The following RUNX1T1 variants were observed in gnomAD, a reference collection of about 807,000 sequenced individuals.
The protein encoded by RUNX1T1 is RUNX1 partner transcriptional co-repressor 1, also known as protein CBFA2T1.
RUNX1T1 carries 4 observed loss-of-function variants against 62.8 expected under a neutral mutation model. The observed-to-expected ratio is 0.06, with a 90% CI of 0.03 to 0.15. The LOEUF (loss-of-function observed/expected upper bound fraction) is 0.15. RUNX1T1 is among the 10% of genes least tolerant of loss of function. The pLI is 1.00. For synonymous variants in RUNX1T1, 291 were observed against 286.0 expected (o/e 1.02, Z -0.18); for missense variants, 508 against 754.3 (o/e 0.67, Z 3.82).
intron 3 of RUNX1T1, among the ~76,000 whole-genome samples, chr8:92,014,032 G>T (rs1418243118): frequency 6.6e-6 from 1 of 151,996 alleles, no homozygotes; most frequent in Non-Finnish European, 1.5e-5. Flanking sequence ...TGAACTGTAT[G>T]TATATTTTAC....
chr8:91,959,202 T>C (rs1809845862), exon 11 of RUNX1T1: 2 of 217,250 alleles, frequency 9.2e-6, no homozygotes, highest in African/African-American at 4.5e-5. Context: ...CCAAACAGGG[T>C]GGGGTTGAAA....
In RUNX1T1 at chr8:91,987,944, T is replaced by TA. The variant is rs1453287055; in HGVS notation, c.911-973dup. ...TCAAAATGTTACTCTGAACAGCAAA[T>TA]AGAGTTTCTTATAGTTTGGTTTCTA... On this transcript the variant is annotated intron_variant, in intron 6 of 10. Transcript: ENST00000396218. Among the ~76,000 whole-genome samples, 4 of 152,246 alleles carry TA rather than the reference T, an allele frequency of 2.6e-5. No homozygotes were observed. The South Asian group carries it at 6.2e-4, about 24-fold the overall frequency.
At chr8:91,967,304 G>T (rs1811846688) in intron 10 of RUNX1T1, among the ~76,000 whole-genome samples, 1 of 152,108 alleles carries the variant, frequency 6.6e-6, no homozygotes, top group Admixed American at 6.6e-5. Context: ...TACCGGACTG[G>T]TCTGTCTAAG....
At chr8:92,062,502 C>T in intron 1 of RUNX1T1, 1 of 1,599,534 alleles carries the variant, frequency 6.3e-7, no homozygotes, top group Non-Finnish European at 8.6e-7. Context: ...AGTAAGCTTT[C>T]TTCATTGGAA....
chr8:92,019,497 T>G (rs779317238), intron 1 of RUNX1T1, among the ~76,000 whole-genome samples: 9 of 151,806 alleles, frequency 5.9e-5, no homozygotes, highest in Non-Finnish European at 1.0e-4. Flanking sequence ...AAGAACAAAA[T>G]AGAGAGACAA....
At chr8:92,048,696 G>A (rs1049442446) in intron 1 of RUNX1T1, among the ~76,000 whole-genome samples, 38 of 151,860 alleles carry the variant, frequency 2.5e-4, no homozygotes, top group African/African-American at 8.5e-4. Flanking sequence ...ATTGTATCTC[G>A]TATATCCTTT....
intron 5 of RUNX1T1, 83 bp from the exon 7 acceptor site, chr8:91,991,972 T>C (rs1817767925): frequency 2.8e-6 from 4 of 1,450,210 alleles, no homozygotes; most frequent in African/African-American, 1.4e-5. Context: ...GAGCTTGGAA[T>C]AAAAACAGAA....
intron 1 of RUNX1T1, among the ~76,000 whole-genome samples, chr8:92,045,662 T>C (rs1346518471): frequency 6.6e-6 from 1 of 152,206 alleles, no homozygotes; most frequent in Non-Finnish European, 1.5e-5. Flanking sequence ...CTACCTCTTG[T>C]AATTTCTCCC....
At chr8:91,991,712 G>A in exon 6 of RUNX1T1, 1 of 1,614,108 alleles carries the variant, frequency 6.2e-7, no homozygotes, top group Non-Finnish European at 8.5e-7. Context: ...GGTGGGCAAT[G>A]GCCATATCAT....
chr8:92,011,879 A>C (rs1257484197), intron 3 of RUNX1T1, among the ~76,000 whole-genome samples: 2 of 152,218 alleles, frequency 1.3e-5, no homozygotes, highest in African/African-American at 4.8e-5. Flanking sequence ...CATCTACTTA[A>C]TGAACAACAA....
intron 2 of RUNX1T1, among the ~76,000 whole-genome samples, chr8:92,074,371 TA>T (rs1269531998): frequency 4.6e-5 from 7 of 152,158 alleles, no homozygotes; most frequent in Admixed American, 2.0e-4. Context: ...TGCGAGTGGG[TA>T]AAGATAGTAA....
At position 91,976,088 on chromosome 8, in the gene RUNX1T1, C is replaced by T. The variant is rs1029259259; in HGVS notation, c.1199-115G>A. The T allele has an allele frequency of 4.0e-5, 28 of 705,258 alleles. 1 individual carries two copies. Among genetic ancestry groups the T allele is most frequent in the South Asian group, 1.4e-4 (8 of 56,650 alleles). The allele number at this position is 705,258 out of a possible 1,614,324, so 43.7% of individuals were successfully genotyped here. A position where few individuals can be genotyped will look rare whatever the true frequency, so the allele number is the denominator to read the frequency against. On this transcript the variant is annotated intron_variant, in intron 8 of 10. Coordinates refer to ENST00000396218, the Ensembl canonical transcript of RUNX1T1. ...CATTCTCCTGGCTTCTCTACAAAAA[C>T]GCAATTTTAAAAGGCTAAACATTTC... is the stretch of plus-strand genomic sequence containing the variant.
chr8:92,101,571 T>C (rs1397096432), upstream of RUNX1T1, among the ~76,000 whole-genome samples: 1 of 152,134 alleles, frequency 6.6e-6, no homozygotes, highest in Non-Finnish European at 1.5e-5. Flanking sequence ...CGTTACGCTT[T>C]GCAAGGAATG....
chr8:92,012,027 G>A (rs1202272090), intron 3 of RUNX1T1, among the ~76,000 whole-genome samples: 4 of 152,120 alleles, frequency 2.6e-5, no homozygotes, highest in Admixed American at 6.5e-5. Flanking sequence ...GGGAATTTGT[G>A]ACCTAACGTC....
rs543001319 is a variant in RUNX1T1 at position 92,054,404 on chromosome 8, C to G, written c.7+8142G>C. Reference sequence around the variant, plus strand: ...TGTTTTGTGGGGGGTTAAACACTGTCTCCTATTTTTTAACTCCAGACAGCA... The same window carrying G: ...TGTTTTGTGGGGGGTTAAACACTGTGTCCTATTTTTTAACTCCAGACAGCA... On this transcript the variant is annotated intron_variant, in intron 1 of 10. Transcript: ENST00000396218. 5.3e-5 allele frequency among the ~76,000 whole-genome samples: 8 copies of G among 152,214 alleles called. No homozygotes were observed. In the East Asian group the frequency reaches 1.2e-3, roughly 22 times the overall value.
chr8:92,066,669 GC>G (rs540949100), upstream of RUNX1T1, among the ~76,000 whole-genome samples: 1 of 152,152 alleles, frequency 6.6e-6, no homozygotes, highest in Non-Finnish European at 1.5e-5. Context: ...GCCACTGAAA[GC>G]CATCTGAAAC....
In RUNX1T1 at chr8:91,982,290, C is replaced by T. The variant is rs887991001; in HGVS notation, c.1198+3834G>A. Among the ~76,000 whole-genome samples, 3 of 142,216 alleles carry T rather than the reference C, an allele frequency of 2.1e-5. No homozygotes were observed. In the East Asian group the frequency reaches 6.1e-4, roughly 29 times the overall value. The allele number at this position is 142,216 out of a possible 152,430, so 93.3% of individuals were successfully genotyped here. The stretch of plus-strand genomic sequence containing the variant: ...AACGATGTGGAAGACTTCTAGAAAA[C>T]AAAAAGAGCGCACACAGATACAAGA... On this transcript the variant is annotated intron_variant, in intron 8 of 10. Transcript: ENST00000396218.
chr8:92,011,865 AAAGCATCTAC>A (rs1311321644), intron 3 of RUNX1T1, among the ~76,000 whole-genome samples: 15 of 152,220 alleles, frequency 9.9e-5, no homozygotes, highest in Admixed American at 9.8e-4. Context: ...TGTGTTGGTA[AAAGCATCTAC>A]TTAATGAACA....
At chr8:91,970,238 T>C (rs1031782800) in intron 10 of RUNX1T1, among the ~76,000 whole-genome samples, 3 of 152,166 alleles carry the variant, frequency 2.0e-5, no homozygotes, top group Non-Finnish European at 2.9e-5. Context: ...TTAGGACCAA[T>C]AGCTAAGGCA....
Sources: allele counts gnomAD v4.1 joint callset (sites outside exome capture counted in the v4.1 genomes callset), GRCh38; gene constraint gnomAD v4.1.1; transcripts MANE v1.5; gene names NCBI Gene and HGNC (gene_info 2026-07-23, HGNC 2026-07-21).